The following ZFP14 variants were observed in gnomAD, a reference collection of about 807,000 sequenced individuals.
The protein encoded by ZFP14 is zinc finger protein 14 homolog.
A neutral mutation model predicts 54.5 loss-of-function variants in ZFP14; 22 were observed. The ratio of observed to expected loss-of-function variants is 0.40; its 90% confidence interval spans 0.29 to 0.58. The LOEUF is 0.58. ZFP14 is among the 20% of genes least tolerant of loss of function. The probability of loss-of-function intolerance (pLI) is 0.39; values close to 1 mark genes in which losing one functional copy is unlikely to be tolerated. For synonymous variants in ZFP14, 159 were observed against 204.0 expected (o/e 0.78, Z 1.88); for missense variants, 470 against 637.8 (o/e 0.74, Z 2.83).
chr19:36,349,231 C>CAAAAAAAAAAAAAAA lies in ZFP14; in HGVS notation c.236-7642_236-7641insTTTTTTTTTTTTTTT, dbSNP rs1308523351. Among the ~76,000 whole-genome samples the CAAAAAAAAAAAAAAA allele has an allele frequency of 1.4e-3, 6 of 4,258 alleles. 2 individuals carry two copies. In the East Asian group the frequency reaches 0.024, roughly 17 times the overall value. 2.8% of individuals were successfully genotyped at this position (4,258 alleles called of 152,430 possible). A position where few individuals can be genotyped will look rare whatever the true frequency, so the allele number is the denominator to read the frequency against. ...GGGCTATAAGAGGGGAACTCTGTCT[C>CAAAAAAAAAAAAAAA]AAAAAAAAAAACAAAAAAAAAAAAA... On this transcript the variant is annotated intron_variant, in intron 4 of 4. Transcript: ENST00000270001.
At chr19:36,372,150 G>T (rs768430828) in intron 1 of ZFP14, among the ~76,000 whole-genome samples, 10 of 151,636 alleles carry the variant, frequency 6.6e-5, no homozygotes, top group Non-Finnish European at 1.5e-4. Flanking sequence ...AAAGAAAGAG[G>T]AAAGAGAAAA....
intron 1 of ZFP14, chr19:36,378,951 T>C (rs2032006168): frequency 6.6e-6 from 1 of 152,250 alleles, no homozygotes; most frequent in African/African-American, 2.4e-5. Flanking sequence ...GGGGCCTTCA[T>C]TCACTCCGGG....
chr19:36,364,473 G>C (rs1460185251), intron 2 of ZFP14, among the ~76,000 whole-genome samples: 2 of 152,092 alleles, frequency 1.3e-5, no homozygotes, highest in African/African-American at 4.8e-5. Context: ...GACGACGAGG[G>C]GTGTAACTGG....
At position 36,341,768 on chromosome 19, in the gene ZFP14, C is replaced by A. The variant is rs900118196; in HGVS notation, c.236-178G>T. On this transcript the variant is annotated intron_variant, in intron 4 of 4. Coordinates refer to ENST00000270001, the MANE Select transcript of ZFP14 (RefSeq NM_020917.3). This position sits in a 1 kb window ranked among gnomAD's most constrained non-coding sequence, Gnocchi z 4.2. ...TCTGCCACAATCTTATATATGTGTA[C>A]CTAAAAAACCTTATCTTCTACAAAA... 6.6e-6 allele frequency among the ~76,000 whole-genome samples: 1 copy of A among 152,086 alleles called. No homozygotes were observed. Among genetic ancestry groups the A allele is most frequent in the African/African-American group, 2.4e-5 (1 of 41,400 alleles).
At chr19:36,367,168 AT>A (rs1440763465) in intron 2 of ZFP14, among the ~76,000 whole-genome samples, 3 of 150,706 alleles carry the variant, frequency 2.0e-5, no homozygotes, top group South Asian at 2.1e-4. Flanking sequence ...AAAAAAAAAA[AT>A]GTCATATTAT....
At chr19:36,356,610 C>T (rs567567771) in intron 4 of ZFP14, among the ~76,000 whole-genome samples, 2 of 152,212 alleles carry the variant, frequency 1.3e-5, no homozygotes, top group East Asian at 3.9e-4. Flanking sequence ...AAGATTTCCT[C>T]ATGTTACCCC....
At position 36,341,602 on chromosome 19, in the gene ZFP14, CAAG is replaced by C; in HGVS notation, c.236-15_236-13del. 1.3e-6 allele frequency: 2 copies of C among 1,539,240 alleles called. No homozygotes were observed. The highest frequency in any genetic ancestry group is 1.3e-5 in the South Asian group (1 of 78,080). On this transcript the variant is annotated splice_polypyrimidine_tract_variant and intron_variant, in intron 4 of 4. Coordinates refer to ENST00000270001, the MANE Select transcript of ZFP14 (RefSeq NM_020917.3). The surrounding 1 kb of genome is among the most constrained non-coding windows in gnomAD (Gnocchi z 4.2). The stretch of plus-strand genomic sequence containing the variant: ...TCTGGACTCCAAATCTGAAAGAAAA[CAAG>C]AAAGCAAATACATACTGTTTTCCTG...
Position 36,340,498 on chromosome 19 carries a change from T to C in ZFP14, c.1328A>G (p.Gln443Arg). 1 of 1,613,966 alleles carries C rather than the reference T, an allele frequency of 6.2e-7. No homozygotes were observed. The highest frequency in any genetic ancestry group is 8.5e-7 in the Non-Finnish European group (1 of 1,179,828). The change falls in exon 5 of 5, where the codon CAA becomes CGA. Residue 443 changes from glutamine (Q) to arginine (R), a missense_variant. By Grantham distance (43) the Gln-to-Arg change is conservative. Transcript: ENST00000270001. The surrounding 1 kb of genome is among the most constrained non-coding windows in gnomAD (Gnocchi z 5.4). ...FRLLSQLTQH[Q>R]SIHTGEKPYE... ...AGGTTTCTCACCAGTGTGAATACTT[T>C]GATGCTGAGTAAGTTGTGAGAGCAG...
intron 4 of ZFP14, among the ~76,000 whole-genome samples, chr19:36,349,695 AAT>A (rs961610714): frequency 1.0e-4 from 15 of 144,108 alleles, no homozygotes; most frequent in African/African-American, 3.7e-4. Context: ...ATATATATAT[AAT>A]ATATATATAA....
At chr19:36,375,683 G>A (rs1032918644) in intron 1 of ZFP14, among the ~76,000 whole-genome samples, 3 of 151,080 alleles carry the variant, frequency 2.0e-5, no homozygotes, top group Admixed American at 6.6e-5. Context: ...TCAGCCTCCC[G>A]AGTAGCTGGG....
At chr19:36,373,911 CAAAAAAAAA>C in intron 1 of ZFP14, among the ~76,000 whole-genome samples, 1 of 93,354 alleles carries the variant, frequency 1.1e-5, no homozygotes, top group East Asian at 3.2e-4. Context: ...GACCCCATCT[CAAAAAAAAA>C]AAAAAAGAAA....
Position 36,349,239 on chromosome 19 carries a change from AAAACAAAAAAAAAAAAAC to A in ZFP14, c.236-7667_236-7650del, listed in dbSNP as rs1271852715. ...AGAGGGGAACTCTGTCTCAAAAAAAAAAACAAAAAAAAAAAAACAAAAAAAAAAAAACAGGAAGAACAT... is the reference window on the plus strand; with the variant it reads ...AGAGGGGAACTCTGTCTCAAAAAAAAAAAAAAAAAAAAACAGGAAGAACAT... On this transcript the variant is annotated intron_variant, in intron 4 of 4. Coordinates refer to ENST00000270001, the MANE Select transcript of ZFP14 (RefSeq NM_020917.3). Among the ~76,000 whole-genome samples, 78 of 38,844 alleles carry A rather than the reference AAAACAAAAAAAAAAAAAC, an allele frequency of 2.0e-3. 3 individuals are homozygous for A. The highest frequency in any genetic ancestry group is 3.1e-3 in the Non-Finnish European group (64 of 20,838). 25.5% of individuals were successfully genotyped at this position (38,844 alleles called of 152,430 possible). A position where few individuals can be genotyped will look rare whatever the true frequency, so the allele number is the denominator to read the frequency against.
chr19:36,368,551 G>T (rs1443132495), intron 1 of ZFP14, among the ~76,000 whole-genome samples: 1 of 152,156 alleles, frequency 6.6e-6, no homozygotes, highest in African/African-American at 2.4e-5. Context: ...TTCTGACCAG[G>T]TCGCCCTCTA....
intron 4 of ZFP14, among the ~76,000 whole-genome samples, chr19:36,345,232 C>T (rs1337609067): frequency 6.6e-6 from 1 of 152,204 alleles, no homozygotes; most frequent in Non-Finnish European, 1.5e-5. Flanking sequence ...CATTGCACTC[C>T]AGCGTGAGCA....
At chr19:36,377,546 T>TAAA (rs60132379) in intron 1 of ZFP14, among the ~76,000 whole-genome samples, 39 of 137,474 alleles carry the variant, frequency 2.8e-4, no homozygotes, top group Middle Eastern at 3.8e-3. Context: ...ACCCTGTCTC[T>TAAA]AAAAAAAAAA....
intron 2 of ZFP14, among the ~76,000 whole-genome samples, chr19:36,363,597 G>A (rs1024956589): frequency 6.6e-6 from 1 of 152,118 alleles, no homozygotes; most frequent in African/African-American, 2.4e-5. Flanking sequence ...GAAAGGGTGT[G>A]AGTGTTACAG....
At chr19:36,370,727 A>AG in intron 1 of ZFP14, among the ~76,000 whole-genome samples, 1 of 152,344 alleles carries the variant, frequency 6.6e-6, no homozygotes, top group Non-Finnish European at 1.5e-5. Context: ...TAGCAGCCCC[A>AG]GCCTTAAGGA....
intron 4 of ZFP14, among the ~76,000 whole-genome samples, chr19:36,354,041 C>T (rs1447554457): frequency 7.7e-6 from 1 of 129,182 alleles, no homozygotes; most frequent in Non-Finnish European, 1.7e-5. Flanking sequence ...CACCACTGCA[C>T]TCCAGCCTGG....
chr19:36,346,028 C>A (rs1280666590), intron 4 of ZFP14, among the ~76,000 whole-genome samples: 5 of 152,126 alleles, frequency 3.3e-5, no homozygotes, highest in African/African-American at 1.2e-4. Context: ...CACGATGACT[C>A]ATGCCTGTAA....
Sources: allele counts gnomAD v4.1 joint callset (sites outside exome capture counted in the v4.1 genomes callset), GRCh38; gene constraint gnomAD v4.1.1; non-coding constraint Gnocchi (gnomAD v3.1); transcripts MANE v1.5; gene names NCBI Gene and HGNC (gene_info 2026-07-23, HGNC 2026-07-21).